Variants in GABRA3 observed in about 807,000 individuals in gnomAD.
GABRA3 encodes gamma-aminobutyric acid type A receptor subunit alpha3, also known as gamma-aminobutyric acid receptor subunit alpha-3.
A neutral mutation model predicts 30.1 loss-of-function variants in GABRA3; 10 were observed. The observed-to-expected ratio is 0.33, with a 90% confidence interval of 0.20 to 0.56. GABRA3 has a LOEUF of 0.56. Ranked by LOEUF, GABRA3 falls within the 20% of genes least tolerant of loss-of-function variation. The pLI is 0.89. For missense variants in GABRA3, 233 were observed against 392.0 expected, an observed-to-expected ratio of 0.59 and a Z score of 3.42; for synonymous variants, 151 against 146.8, an observed-to-expected ratio of 1.03 and a Z score of -0.21.
At chrX:152,229,721 T>C (rs1938030858) in intron 5 of GABRA3, among the ~76,000 whole-genome samples, 1 of 110,230 alleles carries the variant, frequency 9.1e-6, no homozygotes, top group African/African-American at 3.3e-5. Flanking sequence ...AACTAGATAG[T>C]ATAAGGGCTC....
intron 1 of GABRA3, among the ~76,000 whole-genome samples, chrX:152,417,523 G>A (rs1366690511): frequency 1.9e-5 from 2 of 102,887 alleles, no homozygotes; most frequent in East Asian, 3.2e-4. Flanking sequence ...TCCCATTACT[G>A]GGTATATACC....
intron 3 of GABRA3, among the ~76,000 whole-genome samples, chrX:152,294,137 GTC>G (rs1939478708): frequency 1.8e-5 from 2 of 110,965 alleles, no homozygotes; most frequent in Admixed American, 9.7e-5. Context: ...TATCTTTGTG[GTC>G]TTCTCTGTAT....
intron 4 of GABRA3, among the ~76,000 whole-genome samples, chrX:152,271,727 T>C (rs1467436324): frequency 8.9e-6 from 1 of 111,845 alleles, no homozygotes; most frequent in Non-Finnish European, 1.9e-5. Flanking sequence ...CAGAGGCCTA[T>C]GAGGGAAAAA....
chrX:152,330,409 T>C (rs760117525), intron 3 of GABRA3, among the ~76,000 whole-genome samples: 2 of 112,235 alleles, frequency 1.8e-5, no homozygotes, highest in South Asian at 7.5e-4. Flanking sequence ...CATATGTTTA[T>C]TGTGGCACTA....
At chrX:152,302,607 G>A (rs1053034826) in intron 3 of GABRA3, among the ~76,000 whole-genome samples, 4 of 111,100 alleles carry the variant, frequency 3.6e-5, no homozygotes. Flanking sequence ...AGATTCAGGG[G>A]TTACATGTTC....
intron 1 of GABRA3, among the ~76,000 whole-genome samples, chrX:152,386,612 A>T (rs994590262): frequency 1.1e-4 from 12 of 107,514 alleles, no homozygotes; most frequent in Admixed American, 4.1e-4. Context: ...ATCTCACACC[A>T]GTTAGAATGG....
intron 1 of GABRA3, among the ~76,000 whole-genome samples, chrX:152,384,857 G>C (rs1454949385): frequency 9.0e-6 from 1 of 111,602 alleles, no homozygotes; most frequent in Admixed American, 9.5e-5. Flanking sequence ...ACGTATATCT[G>C]ATAAAGAAAC....
chrX:152,259,251 G>A (rs1454749253), intron 4 of GABRA3, among the ~76,000 whole-genome samples: 1 of 111,732 alleles, frequency 8.9e-6, no homozygotes, highest in Non-Finnish European at 1.9e-5. Context: ...TGCCACCTTG[G>A]GCTAAAGTGC....
At chrX:152,394,935 C>G (rs1489027201) in intron 1 of GABRA3, among the ~76,000 whole-genome samples, 1 of 111,247 alleles carries the variant, frequency 9.0e-6, no homozygotes, top group Non-Finnish European at 1.9e-5. Context: ...AATATGTGTT[C>G]ATGAGGTCCA....
chrX:152,174,411 T>C (rs1396613616), intron 9 of GABRA3, among the ~76,000 whole-genome samples: 1 of 111,957 alleles, frequency 8.9e-6, no homozygotes, highest in Non-Finnish European at 1.9e-5. Flanking sequence ...CCACCAACAG[T>C]GTAAAAGTGT....
At chrX:152,227,082 C>T (rs1445391657) in intron 5 of GABRA3, among the ~76,000 whole-genome samples, 3 of 109,935 alleles carry the variant, frequency 2.7e-5, no homozygotes, top group African/African-American at 6.6e-5. Flanking sequence ...CACATGCACA[C>T]GTATGTTTAT....
Position 152,167,005 on chromosome X carries a change from T to C in GABRA3, c.*1223A>G, listed in dbSNP as rs1177478213. On this transcript the variant is annotated 3_prime_UTR_variant, in exon 10 of 10. Coordinates refer to ENST00000370314, the MANE Select transcript of GABRA3 (RefSeq NM_000808.4). ...TACTCACATTAAGATTAAGAACAAATGGCCTCTAAATAATATATTATAAAA... is the reference window on the plus strand; with the variant it reads ...TACTCACATTAAGATTAAGAACAAACGGCCTCTAAATAATATATTATAAAA... The C allele has an allele frequency of 8.9e-6, 1 of 111,780 alleles. No individual in the cohort carries two copies. Among genetic ancestry groups the C allele is most frequent in the African/African-American group, 3.3e-5 (1 of 30,673 alleles). 9.2% of individuals were successfully genotyped at this position (111,780 alleles called of 1,213,427 possible).
intron 4 of GABRA3, among the ~76,000 whole-genome samples, chrX:152,276,901 G>A (rs891470278): frequency 2.7e-5 from 3 of 111,742 alleles, no homozygotes; most frequent in Non-Finnish European, 3.8e-5. Context: ...GCAACTTCAC[G>A]GTTGTGAATA....
chrX:152,257,276 A>G (rs1165369815), intron 4 of GABRA3, among the ~76,000 whole-genome samples: 1 of 112,106 alleles, frequency 8.9e-6, no homozygotes, highest in Non-Finnish European at 1.9e-5. Context: ...ATTCATGAGG[A>G]TGTCCTGGGA....
At chrX:152,428,639 T>G (rs1930572203) in intron 1 of GABRA3, among the ~76,000 whole-genome samples, 1 of 106,827 alleles carries the variant, frequency 9.4e-6, no homozygotes, top group Admixed American at 9.7e-5. Context: ...TTGTGGAAAC[T>G]GTGTCATTTA....
At chrX:152,306,750 C>A (rs1416189500) in intron 3 of GABRA3, among the ~76,000 whole-genome samples, 1 of 112,053 alleles carries the variant, frequency 8.9e-6, no homozygotes, top group Non-Finnish European at 1.9e-5. Context: ...GCCAATCTGC[C>A]ATTTCTGAAT....
At chrX:152,288,385 T>TA (rs1419403331) in intron 3 of GABRA3, among the ~76,000 whole-genome samples, 1 of 112,652 alleles carries the variant, frequency 8.9e-6, no homozygotes, top group Non-Finnish European at 1.9e-5. Flanking sequence ...TGTGCCTTTG[T>TA]ACCTGTTTCT....
intron 4 of GABRA3, among the ~76,000 whole-genome samples, chrX:152,263,984 A>G (rs1054238634): frequency 2.7e-5 from 3 of 111,914 alleles, no homozygotes; most frequent in Admixed American, 9.5e-5. Context: ...TCTATTGAAA[A>G]TATCCTTCAA....
chrX:152,278,896 C>T (rs1280016561), intron 4 of GABRA3, among the ~76,000 whole-genome samples: 4 of 112,261 alleles, frequency 3.6e-5, no homozygotes, highest in Non-Finnish European at 7.5e-5. Flanking sequence ...CTTTTGGCTG[C>T]ATAAATGTCT....
Sources: gnomAD v4.1 joint callset for allele counts (sites outside exome capture counted in the v4.1 genomes callset) on GRCh38, gnomAD v4.1.1 for gene constraint, MANE v1.5 for transcripts, NCBI Gene and HGNC (gene_info 2026-07-23, HGNC 2026-07-21) for gene names.